QTMAN: variants seen among roughly 807,000 people sequenced by gnomAD.
The protein encoded by QTMAN is queuosine-tRNA mannosyltransferase, also known as tRNA-queuosine alpha-mannosyltransferase.
chr2:144,254,963 G>C, the QTMAN span, among the ~76,000 whole-genome samples: 1,419 of 152,282 alleles, frequency 9.3e-3, 19 homozygotes, highest in African/African-American at 0.032. Context: ...ATTTGGAATG[G>C]GTGTATTTAC....
At chr2:143,981,594 C>T in the QTMAN span, among the ~76,000 whole-genome samples, 127 of 152,244 alleles carry the variant, frequency 8.3e-4, 1 homozygote, top group Non-Finnish European at 7.9e-4. Flanking sequence ...ATCCCTCCAA[C>T]GTAAAGAAAA....
the QTMAN span, among the ~76,000 whole-genome samples, chr2:144,210,269 A>G: frequency 6.6e-6 from 1 of 152,180 alleles, no homozygotes; most frequent in African/African-American, 2.4e-5. Flanking sequence ...TAGAGACAAC[A>G]GTACTAACCT....
chr2:144,232,942 T>C, the QTMAN span, among the ~76,000 whole-genome samples: 6 of 152,308 alleles, frequency 3.9e-5, no homozygotes, highest in South Asian at 1.0e-3. Context: ...CTTCTGTGTT[T>C]TACCTTGCAT....
the QTMAN span, among the ~76,000 whole-genome samples, chr2:144,098,107 A>C: frequency 6.6e-6 from 1 of 152,228 alleles, no homozygotes; most frequent in African/African-American, 2.4e-5. Flanking sequence ...AAGCTTCTCC[A>C]CACTGAATTG....
At chr2:144,131,837 C>T in the QTMAN span, among the ~76,000 whole-genome samples, 3 of 151,782 alleles carry the variant, frequency 2.0e-5, no homozygotes, top group South Asian at 6.2e-4. Context: ...CCTCGGTTTC[C>T]TCACTTGCAA....
chr2:144,170,376 G>A, the QTMAN span, among the ~76,000 whole-genome samples: 7 of 152,142 alleles, frequency 4.6e-5, no homozygotes, highest in African/African-American at 1.7e-4. Context: ...AACACAGTAA[G>A]CAGCATGAGC....
At chr2:144,171,490 A>G in the QTMAN span, among the ~76,000 whole-genome samples, 8 of 152,194 alleles carry the variant, frequency 5.3e-5, no homozygotes, top group Non-Finnish European at 1.2e-4. Flanking sequence ...GTGTCAAAAT[A>G]ATGCTGCCCA....
the QTMAN span, among the ~76,000 whole-genome samples, chr2:144,195,358 T>A: frequency 6.6e-6 from 1 of 152,100 alleles, no homozygotes; most frequent in African/African-American, 2.4e-5. Flanking sequence ...GATTTAGACA[T>A]CTAATTAGGA....
chr2:144,275,415 T>C, the QTMAN span, among the ~76,000 whole-genome samples: 4 of 151,900 alleles, frequency 2.6e-5, no homozygotes, highest in Non-Finnish European at 5.9e-5. Context: ...AATATTAGTA[T>C]GCTATTTCTG....
chr2:143,948,127 C>T, the QTMAN span, among the ~76,000 whole-genome samples: 1 of 152,146 alleles, frequency 6.6e-6, no homozygotes, highest in Non-Finnish European at 1.5e-5. Flanking sequence ...TAAAAGGGGA[C>T]TATAAGGTGA....
chr2:144,186,384 C>T, the QTMAN span, among the ~76,000 whole-genome samples: 2 of 152,156 alleles, frequency 1.3e-5, no homozygotes, highest in African/African-American at 2.4e-5. Flanking sequence ...GGTGGAAGTC[C>T]CTCCCTGTAA....
At chr2:144,295,700 T>C in the QTMAN span, among the ~76,000 whole-genome samples, 1 of 151,998 alleles carries the variant, frequency 6.6e-6, no homozygotes, top group South Asian at 2.1e-4. Flanking sequence ...GCAGCCTCAA[T>C]CTCCATGGCT....
chr2:144,071,350 G>T, the QTMAN span, among the ~76,000 whole-genome samples: 5 of 151,972 alleles, frequency 3.3e-5, no homozygotes, highest in East Asian at 1.9e-4. Flanking sequence ...AGAAAACTTG[G>T]TTTTTTTATT....
the QTMAN span, among the ~76,000 whole-genome samples, chr2:144,306,137 C>A: frequency 6.6e-6 from 1 of 152,162 alleles, no homozygotes; most frequent in African/African-American, 2.4e-5. Context: ...AAGATGTTGG[C>A]TGTGGTTTTT....
the QTMAN span, among the ~76,000 whole-genome samples, chr2:144,183,669 A>G: frequency 9.2e-5 from 14 of 152,218 alleles, no homozygotes; most frequent in African/African-American, 3.4e-4. Context: ...ATACACGGTT[A>G]TTCATCTAGC....
the QTMAN span, among the ~76,000 whole-genome samples, chr2:144,193,491 CATAAT>C: frequency 1.3e-5 from 2 of 148,310 alleles, no homozygotes; most frequent in Admixed American, 6.8e-5. Flanking sequence ...TATATATACA[CATAAT>C]ATATATTACG....
the QTMAN span, among the ~76,000 whole-genome samples, chr2:144,073,977 G>A: frequency 6.6e-6 from 1 of 152,310 alleles, no homozygotes; most frequent in Non-Finnish European, 1.5e-5. Context: ...CACATGGGTA[G>A]TTAATAGCAG....
the QTMAN span, among the ~76,000 whole-genome samples, chr2:144,182,174 T>G: frequency 6.6e-6 from 1 of 152,186 alleles, no homozygotes; most frequent in Admixed American, 6.5e-5. Context: ...TGAAAAATAT[T>G]CTCAGACTTA....
the QTMAN span, among the ~76,000 whole-genome samples, chr2:144,005,141 C>T: frequency 5.9e-5 from 9 of 151,944 alleles, no homozygotes; most frequent in Non-Finnish European, 1.5e-5. Flanking sequence ...GTCATTTCCC[C>T]TCCTAACCCT....
Sources: allele counts gnomAD v4.1 joint callset (sites outside exome capture counted in the v4.1 genomes callset), GRCh38; gene constraint gnomAD v4.1.1; transcripts MANE v1.5; gene names NCBI Gene and HGNC (gene_info 2026-07-23, HGNC 2026-07-21).